Variants in SLC3A1 observed in about 807,000 individuals in gnomAD.
The protein encoded by SLC3A1 is solute carrier family 3 member 1.
Under a neutral mutation model 60.3 loss-of-function variants are expected in SLC3A1, and 78 were observed. The observed-to-expected ratio is 1.29, with a 90% CI of 1.08 to 1.56. The LOEUF is 1.56. Ranked by LOEUF, SLC3A1 falls within the 40% of genes most tolerant of loss-of-function variation. SLC3A1 has a pLI of 0.00. For missense variants in SLC3A1, 1,172 were observed against 858.9 expected, an observed-to-expected ratio of 1.36 and a Z score of -4.56; for synonymous variants, 392 against 307.9, an observed-to-expected ratio of 1.27 and a Z score of -2.86.
chr2:44,276,423 C>T (rs1030315864), intron 1 of SLC3A1, among the ~76,000 whole-genome samples: 1 of 151,964 alleles, frequency 6.6e-6, no homozygotes, highest in African/African-American at 2.4e-5. Context: ...TTTTAAAAAT[C>T]AAGTGATATC....
intron 3 of SLC3A1, among the ~76,000 whole-genome samples, chr2:44,282,660 G>T (rs1671527442): frequency 1.3e-5 from 2 of 152,056 alleles, no homozygotes; most frequent in South Asian, 4.2e-4. Flanking sequence ...CAGAGACAGG[G>T]TCTTGCTCTT....
intron 3 of SLC3A1, among the ~76,000 whole-genome samples, chr2:44,283,517 C>G (rs1452133534): frequency 3.3e-5 from 5 of 152,180 alleles, no homozygotes; most frequent in Non-Finnish European, 7.4e-5. Context: ...ACTGAGGTTA[C>G]TCAGCTAATA....
intron 1 of SLC3A1, among the ~76,000 whole-genome samples, chr2:44,280,324 C>T (rs570641919): frequency 8.5e-5 from 13 of 152,084 alleles, no homozygotes; most frequent in East Asian, 7.7e-4. Context: ...TTGTAGCCTC[C>T]GATTCCCAGG....
At chr2:44,279,115 C>CA (rs752288594) in intron 1 of SLC3A1, among the ~76,000 whole-genome samples, 10 of 152,014 alleles carry the variant, frequency 6.6e-5, no homozygotes, top group Admixed American at 4.6e-4. Flanking sequence ...TCTCCTGCCT[C>CA]AGCCTCCCGA....
intron 1 of SLC3A1, among the ~76,000 whole-genome samples, chr2:44,279,354 C>T (rs531072640): frequency 2.0e-5 from 3 of 152,292 alleles, no homozygotes; most frequent in East Asian, 3.9e-4. Context: ...CTTTCCTTTG[C>T]TGTGCCTGGA....
intron 9 of SLC3A1, chr2:44,315,085 G>T (rs551738884): frequency 6.6e-6 from 1 of 152,006 alleles, no homozygotes; most frequent in Admixed American, 6.6e-5. Context: ...GTGCCCGCCA[G>T]GCGCCTGCCA....
In SLC3A1 at chr2:44,275,487, C is replaced by T. The variant is rs1304678303; in HGVS notation, c.-49C>T. The T allele has an allele frequency of 2.7e-6, 4 of 1,478,876 alleles. No individual in the cohort carries two copies. The highest frequency in any genetic ancestry group is 1.7e-4 in the Middle Eastern group (1 of 5,808). 91.6% of individuals were successfully genotyped at this position (1,478,876 alleles called of 1,614,324 possible). A position where few individuals can be genotyped will look rare whatever the true frequency, so the allele number is the denominator to read the frequency against. On this transcript the variant is annotated 5_prime_UTR_variant, in exon 1 of 10. Transcript: ENST00000260649. Reference sequence around the variant, plus strand: ...CCAAGCATTCAGCAAGCCACTCTTCCACCTCCCTTACTGCAGGAAGGCACT... The same window carrying T: ...CCAAGCATTCAGCAAGCCACTCTTCTACCTCCCTTACTGCAGGAAGGCACT...
chr2:44,306,212 C>G (rs566764725), intron 7 of SLC3A1, among the ~76,000 whole-genome samples: 17 of 152,258 alleles, frequency 1.1e-4, no homozygotes, highest in African/African-American at 4.1e-4. Flanking sequence ...TGATCTGGGC[C>G]CTGAAAAGTG....
At chr2:44,295,771 A>T (rs184264821) in intron 4 of SLC3A1, among the ~76,000 whole-genome samples, 4 of 152,308 alleles carry the variant, frequency 2.6e-5, no homozygotes, top group African/African-American at 9.6e-5. Context: ...CAGTGCCCAA[A>T]AGCTTGATGT....
chr2:44,309,591 C>G (rs1209445998), intron 7 of SLC3A1, among the ~76,000 whole-genome samples: 1 of 152,096 alleles, frequency 6.6e-6, no homozygotes, highest in Non-Finnish European at 1.5e-5. Context: ...TGCTGGATCA[C>G]ATAATACTTC....
chr2:44,320,857 G>A lies in SLC3A1; in HGVS notation c.*218G>A. 1.8e-6 allele frequency: 1 copy of A among 567,438 alleles called. No individual in the cohort carries two copies. The highest frequency in any genetic ancestry group is 3.1e-6 in the Non-Finnish European group (1 of 319,270). The allele number at this position is 567,438 out of a possible 1,614,324, so 35.2% of individuals were successfully genotyped here. ...TTATAGGAGCTTATAACTTTATTCA[G>A]ATAGCATCAATCAGGGATGACCAGA... On this transcript the variant is annotated 3_prime_UTR_variant, in exon 10 of 10. Coordinates refer to ENST00000260649, the MANE Select transcript of SLC3A1 (RefSeq NM_000341.4).
intron 5 of SLC3A1, among the ~76,000 whole-genome samples, 174 bp from the exon 6 acceptor site, chr2:44,300,827 TAA>T (rs1431511161): frequency 6.6e-6 from 1 of 152,198 alleles, no homozygotes; most frequent in East Asian, 1.9e-4. Context: ...AGTAGATTTA[TAA>T]AGTTAACAAC....
intron 9 of SLC3A1, among the ~76,000 whole-genome samples, chr2:44,316,931 A>T (rs1672483408): frequency 6.6e-6 from 1 of 152,206 alleles, no homozygotes; most frequent in Non-Finnish European, 1.5e-5. Context: ...AAAAGGAAAT[A>T]ACTTGATTTA....
chr2:44,305,946 A>G (rs1349280638), intron 7 of SLC3A1, among the ~76,000 whole-genome samples: 2 of 151,964 alleles, frequency 1.3e-5, no homozygotes, highest in East Asian at 3.9e-4. Flanking sequence ...CTCTTTCCTT[A>G]AAGTCCACAC....
In SLC3A1 at chr2:44,304,102, T is replaced by A. The variant is rs1400193880; in HGVS notation, c.1137-41T>A. 2.6e-6 allele frequency: 4 copies of A among 1,545,986 alleles called. No individual in the cohort carries two copies. The East Asian group carries it at 6.7e-5, about 26-fold the overall frequency. The stretch of plus-strand genomic sequence containing the variant: ...GCTGTGGAGTGCCTTCCCAGTCTTC[T>A]GACAGGCCCCGATGACACTGAACCT... On this transcript the variant is annotated intron_variant, in intron 6 of 9. Coordinates refer to ENST00000260649, the MANE Select transcript of SLC3A1 (RefSeq NM_000341.4).
Position 44,320,508 on chromosome 2 carries a change from G to A in SLC3A1, c.1927G>A (p.Gly643Arg), listed in dbSNP as rs1341659874. The A allele has an allele frequency of 8.7e-6, 14 of 1,614,118 alleles. No individual in the cohort carries two copies. Among genetic ancestry groups the A allele is most frequent in the Non-Finnish European group, 1.2e-5 (14 of 1,179,976 alleles). Reference protein sequence around the residue: ...VDTSGIFLDKGEGLIFEHNTK... With the variant: ...VDTSGIFLDKREGLIFEHNTK... ...TACAAGTGGCATTTTTCTGGACAAG[G>A]GAGAGGGACTCATCTTTGAACACAA... The change falls in exon 10 of 10, where the codon GGA becomes AGA. Residue 643 changes from glycine to arginine, a missense_variant. Physicochemically the swap from Gly to Arg is moderately radical, Grantham distance 125. Coordinates refer to ENST00000260649, the MANE Select transcript of SLC3A1 (RefSeq NM_000341.4).
At position 44,284,246 on chromosome 2, in the gene SLC3A1, AT is replaced by A. The variant is rs1432201109; in HGVS notation, c.766-1781del. Among the ~76,000 whole-genome samples the A allele has an allele frequency of 5.3e-5, 8 of 152,044 alleles. No individual in the cohort carries two copies. The East Asian group carries it at 1.5e-3, about 29-fold the overall frequency. On this transcript the variant is annotated intron_variant, in intron 3 of 9. Coordinates refer to ENST00000260649, the MANE Select transcript of SLC3A1 (RefSeq NM_000341.4). ...AGGCACCCATCACCATGCCCACCTAATTTTTGTATCTTTAGTAGAGACAGGG... is the reference window on the plus strand; with the variant it reads ...AGGCACCCATCACCATGCCCACCTAATTTTGTATCTTTAGTAGAGACAGGG...
chr2:44,308,032 T>C (rs1558466611), intron 7 of SLC3A1, among the ~76,000 whole-genome samples: 2 of 152,152 alleles, frequency 1.3e-5, no homozygotes, highest in East Asian at 1.9e-4. Context: ...CCCAGCACTT[T>C]GGGAGGCTGA....
At chr2:44,297,996 G>T (rs1671897161) in intron 4 of SLC3A1, among the ~76,000 whole-genome samples, 1 of 152,194 alleles carries the variant, frequency 6.6e-6, no homozygotes, top group South Asian at 2.1e-4. Flanking sequence ...CCATTGGGTT[G>T]TTTCCACTTT....
Sources: gnomAD v4.1 joint callset for allele counts (sites outside exome capture counted in the v4.1 genomes callset) on GRCh38, gnomAD v4.1.1 for gene constraint, MANE v1.5 for transcripts, NCBI Gene and HGNC (gene_info 2026-07-23, HGNC 2026-07-21) for gene names.